Variants in LRRC15 observed in about 807,000 individuals in gnomAD.
The protein encoded by LRRC15 is leucine rich repeat containing 15.
LRRC15 carries 5 observed loss-of-function variants against 4.3 expected under a neutral mutation model. The observed-to-expected ratio is 1.16, with a 90% CI of 0.61 to 2.44. The LOEUF (loss-of-function observed/expected upper bound fraction) is 2.44. Ranked by LOEUF, LRRC15 falls within the 30% of genes most tolerant of loss-of-function variation. The pLI, the probability that LRRC15 is intolerant of heterozygous loss-of-function variation, is 0.01. For missense variants in LRRC15, 769 were observed against 747.0 expected (o/e 1.03, Z -0.34); for synonymous variants, 337 against 323.2 (o/e 1.04, Z -0.46).
rs1713394456 is a variant in LRRC15, at chr3:194,355,301, C to G, written c.*3997G>C. 1 of 152,260 alleles carries G rather than the reference C, an allele frequency of 6.6e-6. No individual in the cohort carries two copies. Among genetic ancestry groups the G allele is most frequent in the African/African-American group, 2.4e-5 (1 of 41,446 alleles). The allele number at this position is 152,260 out of a possible 1,614,324, so 9.4% of individuals were successfully genotyped here. On this transcript the variant is annotated 3_prime_UTR_variant, in exon 2 of 2. Transcript: ENST00000347624. ...TGTACACCAAATGGATTACAAGCAGCATCCAGCAGAAGACAGACCCCCCAA... is the reference window on the plus strand; with the variant it reads ...TGTACACCAAATGGATTACAAGCAGGATCCAGCAGAAGACAGACCCCCCAA...
chr3:194,367,271 G>A (rs1713808786), intron 1 of LRRC15, among the ~76,000 whole-genome samples: 1 of 152,152 alleles, frequency 6.6e-6, no homozygotes, highest in Non-Finnish European at 1.5e-5. Context: ...AGATGGATTT[G>A]TGATGAGGGG....
At position 194,367,677 on chromosome 3, in the gene LRRC15, G is replaced by A. The variant is rs1291531692; in HGVS notation, c.-4+1984C>T. Among the ~76,000 whole-genome samples, 4 of 152,312 alleles carry A rather than the reference G, an allele frequency of 2.6e-5. No individual in the cohort carries two copies. In the East Asian group the frequency reaches 7.7e-4, roughly 29 times the overall value. On this transcript the variant is annotated intron_variant, in intron 1 of 1. Transcript: ENST00000347624. ...CTGCTCAAATGTAGAGGCAGGACCT[G>A]GGGCCAAGGTCACAGGCCCCTGATT... is the stretch of plus-strand genomic sequence containing the variant.
chr3:194,364,966 G>A (rs1713735932), intron 1 of LRRC15, among the ~76,000 whole-genome samples: 1 of 152,256 alleles, frequency 6.6e-6, no homozygotes, highest in Non-Finnish European at 1.5e-5. Context: ...AGCATGTGAT[G>A]CCAGCTCCTG....
At chr3:194,361,320 A>G (rs1713622785) in intron 1 of LRRC15, among the ~76,000 whole-genome samples, 1 of 152,228 alleles carries the variant, frequency 6.6e-6, no homozygotes, top group South Asian at 2.1e-4. Flanking sequence ...CTCCAGTGCA[A>G]TAACCTTTAG....
chr3:194,362,939 GTTT>G (rs140437995), intron 1 of LRRC15, among the ~76,000 whole-genome samples: 4 of 78,392 alleles, frequency 5.1e-5, no homozygotes, highest in East Asian at 3.0e-4. Flanking sequence ...CCTTGATTTT[GTTT>G]TTTTTTTTTT....
rs765273055 is a variant in LRRC15, at chr3:194,359,844, C to A, written c.1200G>T (p.Gln400His). The change falls in exon 2 of 2, where the codon CAG becomes CAT. Residue 400 changes from glutamine (Q) to histidine (H), a missense_variant. Physicochemically the swap from Gln to His is conservative, Grantham distance 24. Coordinates refer to ENST00000347624, the MANE Select transcript of LRRC15 (RefSeq NM_130830.5). ...AGATGCCGAGGGGCAAGTTCTCCAG[C>A]TGGTTGTTCTGCAGCTGGATGGCCA... ...GLMAIQLQNNQLENLPLGIFD... is the reference protein window; with the variant it reads ...GLMAIQLQNNHLENLPLGIFD... 1 of 1,614,108 alleles carries A rather than the reference C, an allele frequency of 6.2e-7. No homozygotes were observed. Among genetic ancestry groups the A allele is most frequent in the Non-Finnish European group, 8.5e-7 (1 of 1,180,022 alleles).
chr3:194,363,355 C>T, intron 1 of LRRC15: 1 of 714,204 alleles, frequency 1.4e-6, no homozygotes, highest in South Asian at 1.5e-5. Context: ...AAAAAGAATA[C>T]CTTGTCCAAA....
In LRRC15 at chr3:194,356,789, C is replaced by G. The variant is rs1297151007; in HGVS notation, c.*2509G>C. The G allele has an allele frequency of 6.6e-6, 1 of 152,336 alleles. No homozygotes were observed. The highest frequency in any genetic ancestry group is 1.5e-5 in the Non-Finnish European group (1 of 68,110). 9.4% of individuals were successfully genotyped at this position (152,336 alleles called of 1,614,324 possible). The stretch of plus-strand genomic sequence containing the variant: ...TGAGGTTTCCCACCTCCCTCCAGCC[C>G]TGGCCCACTTGTGCCTATGCACAAA... On this transcript the variant is annotated 3_prime_UTR_variant, in exon 2 of 2. Transcript: ENST00000347624.
intron 1 of LRRC15, among the ~76,000 whole-genome samples, chr3:194,364,803 G>A (rs1438330088): frequency 6.6e-6 from 1 of 152,244 alleles, no homozygotes; most frequent in Non-Finnish European, 1.5e-5. Context: ...ACCACATGCA[G>A]CAGTTTCCTG....
At chr3:194,367,196 G>A (rs927046557) in intron 1 of LRRC15, among the ~76,000 whole-genome samples, 2 of 152,210 alleles carry the variant, frequency 1.3e-5, no homozygotes, top group East Asian at 1.9e-4. Context: ...AGGGACAGAG[G>A]GTTCACCAGA....
rs768802163 is a variant in LRRC15 at position 194,359,380 on chromosome 3, A to G, written c.1664T>C (p.Leu555Pro). Residue 555 changes from leucine (L) to proline (P), a missense_variant, in exon 2 of 2, where the codon CTG becomes CCG. Physicochemically the swap from Leu to Pro is moderately conservative, Grantham distance 98. Coordinates refer to ENST00000347624, the MANE Select transcript of LRRC15 (RefSeq NM_130830.5). ...GCAGCAACAGCCGACGCAGGCAGCC[A>G]GGGAGCAGGCCAGGGCGACAATGCC... The part of the protein sequence containing the change: ...VIGIVALACS[L>P]AACVGCCCCK... 6.2e-7 allele frequency: 1 copy of G among 1,614,184 alleles called. No homozygotes were observed. Among genetic ancestry groups the G allele is most frequent in the Non-Finnish European group, 8.5e-7 (1 of 1,180,014 alleles).
intron 1 of LRRC15, among the ~76,000 whole-genome samples, chr3:194,366,661 C>T (rs1713789074): frequency 6.6e-6 from 1 of 152,104 alleles, no homozygotes; most frequent in Non-Finnish European, 1.5e-5. Context: ...TCTCAGCGGC[C>T]CCTTCCGCAT....
At chr3:194,361,530 C>A (rs1191947344) in intron 1 of LRRC15, among the ~76,000 whole-genome samples, 1 of 152,226 alleles carries the variant, frequency 6.6e-6, no homozygotes, top group Non-Finnish European at 1.5e-5. Flanking sequence ...TGTATCTTAT[C>A]CATCTCTGTA....
rs2108654953 is a variant in LRRC15, at chr3:194,355,382, A to G, written c.*3916T>C. The G allele has an allele frequency of 6.6e-6, 1 of 152,356 alleles. No homozygotes were observed. The highest frequency in any genetic ancestry group is 2.1e-4 in the South Asian group (1 of 4,826). 9.4% of individuals were successfully genotyped at this position (152,356 alleles called of 1,614,324 possible). On this transcript the variant is annotated 3_prime_UTR_variant, in exon 2 of 2. Transcript: ENST00000347624. ...ACCCTGAGGGCCTAGAAATCTGTAA[A>G]TGCATCGCCAAGCACTGGGGCTGAT...
intron 1 of LRRC15, among the ~76,000 whole-genome samples, chr3:194,362,550 A>G (rs1713660485): frequency 6.6e-6 from 1 of 152,200 alleles, no homozygotes; most frequent in African/African-American, 2.4e-5. Context: ...AGATGCAGCA[A>G]TCACTGCCGG....
intron 1 of LRRC15, among the ~76,000 whole-genome samples, chr3:194,366,107 A>G (rs1713765802): frequency 6.6e-6 from 1 of 152,202 alleles, no homozygotes; most frequent in African/African-American, 2.4e-5. Flanking sequence ...GCTGACCTCA[A>G]TCACGCGCTC....
At chr3:194,362,148 G>GTGTGTGTGTA (rs1560046521) in intron 1 of LRRC15, among the ~76,000 whole-genome samples, 2 of 142,366 alleles carry the variant, frequency 1.4e-5, no homozygotes, top group Admixed American at 6.8e-5. Context: ...ATGTGTGTGT[G>GTGTGTGTGTA]TGTGTGTGTA....
intron 1 of LRRC15, among the ~76,000 whole-genome samples, chr3:194,362,862 C>G (rs1038281465): frequency 6.6e-6 from 1 of 152,028 alleles, no homozygotes; most frequent in African/African-American, 2.4e-5. Context: ...CCCGTGCACC[C>G]CTTCCCTGCC....
chr3:194,369,084 C>CA (rs1195452166), intron 1 of LRRC15, among the ~76,000 whole-genome samples: 1 of 152,214 alleles, frequency 6.6e-6, no homozygotes, highest in Non-Finnish European at 1.5e-5. Context: ...AACCAGGGAC[C>CA]AGCACATCTG....
Sources: allele counts gnomAD v4.1 joint callset (sites outside exome capture counted in the v4.1 genomes callset), GRCh38; gene constraint gnomAD v4.1.1; transcripts MANE v1.5; gene names NCBI Gene and HGNC (gene_info 2026-07-23, HGNC 2026-07-21).